PIK3C2G: variants seen among roughly 807,000 people sequenced by gnomAD.
The protein encoded by PIK3C2G is phosphatidylinositol 3-kinase C2 domain-containing subunit gamma.
Under a neutral mutation model 181.1 loss-of-function variants are expected in PIK3C2G, and 168 were observed. That is an observed-to-expected ratio of 0.93 (90% CI 0.82 to 1.05). PIK3C2G has a LOEUF of 1.05. Ranked by LOEUF, PIK3C2G falls within the 50% of genes least tolerant of loss-of-function variation. The pLI is 0.00. For synonymous variants in PIK3C2G, 573 were observed against 592.2 expected, an observed-to-expected ratio of 0.97 and a Z score of 0.47; for missense variants, 1,869 against 1,732.8, an observed-to-expected ratio of 1.08 and a Z score of -1.40.
rs554969118 is a variant in PIK3C2G at position 18,460,101 on chromosome 12, A to G, written c.2505-28348A>G. On this transcript the variant is annotated intron_variant, in intron 18 of 32. Coordinates refer to ENST00000538779, the MANE Select transcript of PIK3C2G (RefSeq NM_001288772.2). ...TTAATTACTTTTTTCTACATGTTAT[A>G]CTTATTAAGGCAGAGTGATATCGTG... Among the ~76,000 whole-genome samples the G allele has an allele frequency of 2.6e-5, 4 of 152,164 alleles. No individual in the cohort carries two copies. In the East Asian group the frequency reaches 7.7e-4, roughly 29 times the overall value.
chr12:18,396,849 T>C (rs111575634), intron 15 of PIK3C2G, among the ~76,000 whole-genome samples: 19,584 of 151,684 alleles, frequency 0.13, 1,294 homozygotes, highest in African/African-American at 0.16. Flanking sequence ...GATAATTCTC[T>C]CCAAACTCAT....
intron 32 of PIK3C2G, among the ~76,000 whole-genome samples, chr12:18,644,483 G>T (rs1950011778): frequency 6.6e-6 from 1 of 151,970 alleles, no homozygotes; most frequent in Admixed American, 6.6e-5. Context: ...TCTGTTGTAA[G>T]GTGTAAAGGG....
At chr12:18,262,086 T>G (rs1397300725) in intron 1 of PIK3C2G, among the ~76,000 whole-genome samples, 1 of 152,072 alleles carries the variant, frequency 6.6e-6, no homozygotes, top group African/African-American at 2.4e-5. Flanking sequence ...TAGAAGCAAC[T>G]CCTGCTAGGG....
intron 16 of PIK3C2G, among the ~76,000 whole-genome samples, chr12:18,414,072 T>A (rs1353703572): frequency 6.6e-6 from 1 of 152,136 alleles, no homozygotes; most frequent in Non-Finnish European, 1.5e-5. Flanking sequence ...TGAAAAGGTA[T>A]CAAGTTAAGC....
chr12:18,661,192 G>T, the PIK3C2G span, among the ~76,000 whole-genome samples: 1 of 152,108 alleles, frequency 6.6e-6, no homozygotes, highest in African/African-American at 2.4e-5. Flanking sequence ...CATATCCATT[G>T]TAAGAGTTCT....
At chr12:18,627,281 C>T (rs1435620721) in intron 31 of PIK3C2G, among the ~76,000 whole-genome samples, 2 of 151,858 alleles carry the variant, frequency 1.3e-5, no homozygotes, top group Non-Finnish European at 2.9e-5. Flanking sequence ...GTACTGTTTT[C>T]CAAATTTTAC....
At chr12:18,490,821 A>T (rs1940493601) in intron 19 of PIK3C2G, among the ~76,000 whole-genome samples, 1 of 152,190 alleles carries the variant, frequency 6.6e-6, no homozygotes, top group Non-Finnish European at 1.5e-5. Context: ...CTCTTTTGTC[A>T]TAGGATGCAC....
chr12:18,432,952 A>G (rs1259219214), intron 18 of PIK3C2G, among the ~76,000 whole-genome samples: 4 of 152,032 alleles, frequency 2.6e-5, no homozygotes, highest in Non-Finnish European at 5.9e-5. Flanking sequence ...TCTATCAATT[A>G]GGAACTCATT....
chr12:18,315,839 T>C (rs1413472067), intron 6 of PIK3C2G, among the ~76,000 whole-genome samples: 3 of 151,968 alleles, frequency 2.0e-5, no homozygotes, highest in Non-Finnish European at 2.9e-5. Context: ...TCTCAAAGGT[T>C]TTGGATGTGT....
At chr12:18,393,221 A>G (rs1310088487) in intron 15 of PIK3C2G, among the ~76,000 whole-genome samples, 1 of 152,084 alleles carries the variant, frequency 6.6e-6, no homozygotes, top group Non-Finnish European at 1.5e-5. Flanking sequence ...TTCAGTTTCT[A>G]TTTAAGCTAA....
chr12:18,429,935 G>A (rs1277297375), intron 18 of PIK3C2G, among the ~76,000 whole-genome samples: 1 of 152,148 alleles, frequency 6.6e-6, no homozygotes, highest in Admixed American at 6.5e-5. Flanking sequence ...TACGAAGTGG[G>A]AAAATCTCTA....
chr12:18,650,343 ATATATGTG>A (rs1485142347), downstream of PIK3C2G, among the ~76,000 whole-genome samples: 1 of 131,568 alleles, frequency 7.6e-6, no homozygotes, highest in African/African-American at 3.2e-5. Flanking sequence ...ATATATATAT[ATATATGTG>A]TGTGTGTGTG....
intron 13 of PIK3C2G, 43 bp downstream of exon 13, chr12:18,371,354 A>T: frequency 6.6e-7 from 1 of 1,511,276 alleles, no homozygotes; most frequent in Non-Finnish European, 9.0e-7. Context: ...CATTTCAATA[A>T]AACATTCCTA....
intron 31 of PIK3C2G, among the ~76,000 whole-genome samples, chr12:18,630,381 G>T (rs1167099313): frequency 6.6e-6 from 1 of 152,032 alleles, no homozygotes; most frequent in Non-Finnish European, 1.5e-5. Context: ...AACAGAGCGG[G>T]ATTTTTTCTC....
At chr12:18,313,168 C>A (rs1217565818) in intron 5 of PIK3C2G, among the ~76,000 whole-genome samples, 1 of 152,034 alleles carries the variant, frequency 6.6e-6, no homozygotes, top group African/African-American at 2.4e-5. Context: ...ATAGTAGAAG[C>A]CCTTCATTTC....
chr12:18,303,101 TCTTTCTTTCTTTCC>T (rs1175272299), intron 5 of PIK3C2G, among the ~76,000 whole-genome samples: 1 of 71,398 alleles, frequency 1.4e-5, no homozygotes, highest in African/African-American at 4.7e-5. Context: ...CTTTTCTTTC[TCTTTCTTTCTTTCC>T]TTCTTTCTTT....
chr12:18,711,368 A>C, the PIK3C2G span, among the ~76,000 whole-genome samples: 1 of 104,158 alleles, frequency 9.6e-6, no homozygotes, highest in African/African-American at 3.9e-5. Flanking sequence ...GGAACATCAC[A>C]CTCTGGGGAC....
downstream of PIK3C2G, among the ~76,000 whole-genome samples, chr12:18,649,704 C>T (rs774467375): frequency 2.6e-5 from 4 of 152,142 alleles, no homozygotes; most frequent in Non-Finnish European, 5.9e-5. Context: ...TGTTGACCTC[C>T]AATTAGCTAA....
At chr12:18,244,050 A>G (rs1948014004), upstream of PIK3C2G, among the ~76,000 whole-genome samples, 1 of 152,036 alleles carries the variant, frequency 6.6e-6, no homozygotes, top group Non-Finnish European at 1.5e-5. Context: ...CTATGAGAAC[A>G]GAGGGTATAT....
Sources: allele counts gnomAD v4.1 joint callset (sites outside exome capture counted in the v4.1 genomes callset), GRCh38; gene constraint gnomAD v4.1.1; transcripts MANE v1.5; gene names NCBI Gene and HGNC (gene_info 2026-07-23, HGNC 2026-07-21).